ZNF536: variants seen among roughly 807,000 people sequenced by gnomAD.
ZNF536 encodes the protein zinc finger protein 536.
A neutral mutation model predicts 84.5 loss-of-function variants in ZNF536; 13 were observed. That is an observed-to-expected ratio of 0.15 (90% CI 0.10 to 0.24). ZNF536 has a LOEUF of 0.24. Ranked by LOEUF, ZNF536 falls within the 10% of genes least tolerant of loss-of-function variation. The pLI is 1.00. For missense variants in ZNF536, 1,536 were observed against 1,747.5 expected, an observed-to-expected ratio of 0.88 and a Z score of 2.16; for synonymous variants, 811 against 742.5, an observed-to-expected ratio of 1.09 and a Z score of -1.50.
chr19:30,512,308 T>C (rs1463587603), intron 2 of ZNF536, among the ~76,000 whole-genome samples: 1 of 152,196 alleles, frequency 6.6e-6, no homozygotes. Flanking sequence ...AATGTCGTTT[T>C]CCTTAATTGA....
chr19:30,475,791 G>A (rs1462487853), intron 2 of ZNF536, among the ~76,000 whole-genome samples: 5 of 152,104 alleles, frequency 3.3e-5, no homozygotes, highest in South Asian at 2.1e-4. Context: ...AGGACCAGCC[G>A]CTCCTGGAAT....
chr19:30,337,022 TC>T, intron 2 of ZNF536, among the ~76,000 whole-genome samples: 1 of 152,000 alleles, frequency 6.6e-6, no homozygotes, highest in Non-Finnish European at 1.5e-5. Context: ...TTTGCAGGTC[TC>T]CTGCAACATG....
At chr19:30,551,876 T>A (rs918087068) in intron 4 of ZNF536, among the ~76,000 whole-genome samples, 12 of 152,184 alleles carry the variant, frequency 7.9e-5, no homozygotes, top group Non-Finnish European at 1.6e-4. Flanking sequence ...TGGGCCTGAC[T>A]CTGCCAGTTC....
Position 30,548,517 on chromosome 19 carries a change from G to A in ZNF536, c.2898G>A (p.Arg966=), listed in dbSNP as rs771734169. 14 of 1,614,148 alleles carry A rather than the reference G, an allele frequency of 8.7e-6. No homozygotes were observed. Among genetic ancestry groups the A allele is most frequent in the Non-Finnish European group, 1.2e-5 (14 of 1,180,030 alleles). ...AACCCAGTGGCAAGTCCTCCCAGAGGAAGTCCGAGAAATCTCAGTATGAAC... is the reference window on the plus strand; with the variant it reads ...AACCCAGTGGCAAGTCCTCCCAGAGAAAGTCCGAGAAATCTCAGTATGAAC... ...EEKPSGKSSQ[R]KSEKSQYEPL... is the part of the protein sequence containing the mutation. The change falls in exon 4 of 5, where the codon AGG becomes AGA. Residue 966 remains arginine (R), a synonymous_variant. Coordinates refer to ENST00000355537, the MANE Select transcript of ZNF536 (RefSeq NM_014717.3).
chr19:30,682,062 T>A (rs1423184207), intron 1 of ZNF536, among the ~76,000 whole-genome samples: 3 of 152,120 alleles, frequency 2.0e-5, no homozygotes, highest in Non-Finnish European at 2.9e-5. Flanking sequence ...AAGAGGCCTG[T>A]ATTGCCTTTA....
chr19:30,306,383 A>G (rs1690398848), intron 2 of ZNF536, among the ~76,000 whole-genome samples: 1 of 152,070 alleles, frequency 6.6e-6, no homozygotes, highest in African/African-American at 2.4e-5. Context: ...CAGTCAGATT[A>G]TTCTCTTTTC....
intron 1 of ZNF536, among the ~76,000 whole-genome samples, chr19:30,694,906 G>T (rs1487330097): frequency 6.6e-6 from 1 of 152,176 alleles, no homozygotes; most frequent in African/African-American, 2.4e-5. Context: ...GAGGAGGGCA[G>T]GGCGTGGTTC....
chr19:30,298,962 A>T (rs900077802), intron 2 of ZNF536, among the ~76,000 whole-genome samples: 2 of 152,118 alleles, frequency 1.3e-5, no homozygotes, highest in Non-Finnish European at 2.9e-5. Flanking sequence ...TAGCACATTA[A>T]AAATAATCTG....
chr19:30,466,592 G>A (rs985953859), intron 2 of ZNF536, among the ~76,000 whole-genome samples: 1 of 150,824 alleles, frequency 6.6e-6, no homozygotes, highest in East Asian at 2.0e-4. Flanking sequence ...GAAAGAGAGA[G>A]AGAGAGAGAG....
chr19:30,542,345 A>G (rs892313195), intron 3 of ZNF536, among the ~76,000 whole-genome samples: 3 of 152,208 alleles, frequency 2.0e-5, no homozygotes, highest in Non-Finnish European at 4.4e-5. Flanking sequence ...TGAACTAATT[A>G]AACCACCTGG....
At chr19:30,236,154 C>T (rs924243947) in intron 1 of ZNF536, among the ~76,000 whole-genome samples, 6 of 152,246 alleles carry the variant, frequency 3.9e-5, no homozygotes, top group Admixed American at 6.5e-5. Flanking sequence ...ATTTAATCTG[C>T]GCAGCCGAAA....
chr19:30,637,898 T>C (rs1156535337), intron 1 of ZNF536, among the ~76,000 whole-genome samples: 1 of 152,152 alleles, frequency 6.6e-6, no homozygotes, highest in Non-Finnish European at 1.5e-5. Flanking sequence ...GAGGGTTTTT[T>C]TGCAAAGCTG....
intron 1 of ZNF536, among the ~76,000 whole-genome samples, chr19:30,414,122 T>C (rs1392216047): frequency 6.9e-6 from 1 of 144,356 alleles, no homozygotes; most frequent in Non-Finnish European, 1.5e-5. Context: ...AAAGTTTCCC[T>C]GTACCTATTT....
At chr19:30,452,654 T>C (rs2052659027) in intron 2 of ZNF536, among the ~76,000 whole-genome samples, 3 of 151,818 alleles carry the variant, frequency 2.0e-5, no homozygotes, top group African/African-American at 7.3e-5. Flanking sequence ...GGGGAGTGAG[T>C]AGTTAACTCC....
In ZNF536 at chr19:30,289,668, T is replaced by G. The variant is rs76621693; in HGVS notation, c.-120+5527T>G. On this transcript the variant is annotated intron_variant, in intron 2 of 5. Transcript: ENST00000585628. Reference sequence around the variant, plus strand: ...AGTGGGTGCCTGGTAAATACTTTTGTGAGTGAATTGGAATTTTCTTCAGTC... The same window carrying G: ...AGTGGGTGCCTGGTAAATACTTTTGGGAGTGAATTGGAATTTTCTTCAGTC... 1.0e-3 allele frequency among the ~76,000 whole-genome samples: 159 copies of G among 152,298 alleles called. 1 individual carries two copies. In the East Asian group the frequency reaches 0.022, roughly 21 times the overall value.
chr19:30,326,593 G>A (rs977780119), intron 2 of ZNF536, among the ~76,000 whole-genome samples: 1 of 151,978 alleles, frequency 6.6e-6, no homozygotes, highest in Non-Finnish European at 1.5e-5. Context: ...CGCATAGGTG[G>A]GTGTGGAGGA....
intron 2 of ZNF536, among the ~76,000 whole-genome samples, chr19:30,528,126 G>T (rs149625811): frequency 1.3e-5 from 2 of 152,154 alleles, no homozygotes; most frequent in Non-Finnish European, 2.9e-5. Flanking sequence ...TGCCATAAAC[G>T]TAGTAAGCGC....
chr19:30,594,743 T>C (rs928713226), intron 1 of ZNF536, among the ~76,000 whole-genome samples: 1 of 151,926 alleles, frequency 6.6e-6, no homozygotes, highest in African/African-American at 2.4e-5. Context: ...ACTCTTCTCC[T>C]GTTTCCCCTG....
intron 1 of ZNF536, among the ~76,000 whole-genome samples, chr19:30,690,919 T>C (rs2051381829): frequency 6.6e-6 from 1 of 152,242 alleles, no homozygotes; most frequent in African/African-American, 2.4e-5. Flanking sequence ...TGGTTTTTTT[T>C]CTCTTTCATT....
Sources: gnomAD v4.1 joint callset for allele counts (sites outside exome capture counted in the v4.1 genomes callset) on GRCh38, gnomAD v4.1.1 for gene constraint, MANE v1.5 for transcripts, NCBI Gene and HGNC (gene_info 2026-07-23, HGNC 2026-07-21) for gene names.